TNFRSF11A: variants seen among roughly 807,000 people sequenced by gnomAD.
TNFRSF11A encodes tumor necrosis factor receptor superfamily member 11A.
A neutral mutation model predicts 55.7 loss-of-function variants in TNFRSF11A; 32 were observed. That is an observed-to-expected ratio of 0.57 (90% CI 0.43 to 0.77). The LOEUF (loss-of-function observed/expected upper bound fraction) is 0.77, where lower values mean the gene tolerates loss of function less well. Among genes scored for constraint, TNFRSF11A ranks in the 30% least tolerant of loss-of-function variants. The probability of loss-of-function intolerance (pLI) is 0.00; values close to 1 mark genes in which losing one functional copy is unlikely to be tolerated. For synonymous variants in TNFRSF11A, 311 were observed against 331.0 expected (o/e 0.94, Z 0.65); for missense variants, 753 against 809.8 (o/e 0.93, Z 0.85).
chr18:62,389,617 T>C lies in TNFRSF11A; in HGVS notation c.*4583T>C, dbSNP rs1200336751. 6.7e-6 allele frequency: 1 copy of C among 148,682 alleles called. No homozygotes were observed. Among genetic ancestry groups the C allele is most frequent in the Admixed American group, 6.7e-5 (1 of 14,834 alleles). The allele number at this position is 148,682 out of a possible 1,614,324, so 9.2% of individuals were successfully genotyped here. On this transcript the variant is annotated 3_prime_UTR_variant, in exon 10 of 10. Transcript: ENST00000586569. The stretch of plus-strand genomic sequence containing the variant: ...CAGCTGTGAGTCCAGTTTTCTCTCT[T>C]CCTACCTCCCTCTTACCCAGTTATC...
intron 4 of TNFRSF11A, among the ~76,000 whole-genome samples, chr18:62,356,254 A>T (rs1909246765): frequency 1.3e-5 from 2 of 152,356 alleles, no homozygotes; most frequent in African/African-American, 4.8e-5. Context: ...TTCAATTCAT[A>T]TCAAGGAAAA....
At chr18:62,381,793 T>A (rs761869505) in intron 9 of TNFRSF11A, among the ~76,000 whole-genome samples, 3 of 152,238 alleles carry the variant, frequency 2.0e-5, no homozygotes, top group Non-Finnish European at 4.4e-5. Flanking sequence ...GAATTTTCAT[T>A]GTATGTGCTT....
chr18:62,384,981 G>A lies in TNFRSF11A; in HGVS notation c.1798G>A (p.Glu600Lys). ...GTGCGGCGGCCCCGAGGGGCTGCGG[G>A]AGCCGGAGAAGGCCTCGAGGCCGGT... is the stretch of plus-strand genomic sequence containing the variant. The part of the protein sequence containing the change: ...DPCGGPEGLR[E>K]PEKASRPVQE... The change falls in exon 10 of 10, where the codon GAG (glutamate) becomes AAG (lysine). Residue 600 changes from glutamate to lysine, a missense_variant. Glu to Lys is a moderately conservative substitution (Grantham distance 56). This residue lies in a region of TNFRSF11A where 567 missense variants were observed against 596.7 expected (regional missense o/e 0.95). Transcript: ENST00000586569. 1.4e-6 allele frequency: 2 copies of A among 1,472,536 alleles called. No individual in the cohort carries two copies. The highest frequency in any genetic ancestry group is 2.1e-4 in the Middle Eastern group (1 of 4,658). 91.2% of individuals were successfully genotyped at this position (1,472,536 alleles called of 1,614,324 possible).
chr18:62,387,406 G>A lies in TNFRSF11A; in HGVS notation c.*2372G>A, dbSNP rs771810797. ...GATAAAGAGATTATATTAAGCTTATGTTTCACCATAAAATCCTTTTTATGG... is the reference window on the plus strand; with the variant it reads ...GATAAAGAGATTATATTAAGCTTATATTTCACCATAAAATCCTTTTTATGG... On this transcript the variant is annotated 3_prime_UTR_variant, in exon 10 of 10. Coordinates refer to ENST00000586569, the MANE Select transcript of TNFRSF11A (RefSeq NM_003839.4). 1 of 152,136 alleles carries A rather than the reference G, an allele frequency of 6.6e-6. No individual in the cohort carries two copies. Among genetic ancestry groups the A allele is most frequent in the African/African-American group, 2.4e-5 (1 of 41,432 alleles). The allele number at this position is 152,136 out of a possible 1,614,324, so 9.4% of individuals were successfully genotyped here. A position where few individuals can be genotyped will look rare whatever the true frequency, so the allele number is the denominator to read the frequency against.
chr18:62,359,110 G>T (rs926995889), intron 5 of TNFRSF11A, among the ~76,000 whole-genome samples: 7 of 152,088 alleles, frequency 4.6e-5, no homozygotes, highest in African/African-American at 1.7e-4. Flanking sequence ...TTTCTGCTGG[G>T]CATGGTGGCA....
rs1262144035 is a variant in TNFRSF11A at position 62,339,006 on chromosome 18, G to T, written c.76-9162G>T. Among the ~76,000 whole-genome samples, 5 of 152,216 alleles carry T rather than the reference G, an allele frequency of 3.3e-5. No homozygotes were observed. The East Asian group carries it at 9.7e-4, about 29-fold the overall frequency. ...GCCACTTTGCTGTCGGCTCCTGCCT[G>T]CACTTTTCGTCTCCATCTCTGTTTC... is the stretch of plus-strand genomic sequence containing the variant. On this transcript the variant is annotated intron_variant, in intron 1 of 9. Coordinates refer to ENST00000586569, the MANE Select transcript of TNFRSF11A (RefSeq NM_003839.4).
intron 1 of TNFRSF11A, among the ~76,000 whole-genome samples, chr18:62,330,648 A>C (rs1048574730): frequency 1.3e-5 from 2 of 151,982 alleles, no homozygotes; most frequent in African/African-American, 4.8e-5. Flanking sequence ...TAAGGAGCCT[A>C]CTGCCTTGGT....
chr18:62,362,736 T>G (rs907418658), intron 7 of TNFRSF11A, among the ~76,000 whole-genome samples: 1 of 77,746 alleles, frequency 1.3e-5, no homozygotes, highest in African/African-American at 5.9e-5. Flanking sequence ...AGAATATCTC[T>G]TAAATCTTTC....
chr18:62,338,785 T>C (rs1600358263), intron 1 of TNFRSF11A, among the ~76,000 whole-genome samples: 1 of 150,984 alleles, frequency 6.6e-6, no homozygotes, highest in East Asian at 2.1e-4. Flanking sequence ...TACTTTAAAA[T>C]GGTTAAAATG....
chr18:62,391,266 TA>T lies in TNFRSF11A; in HGVS notation c.*6233del, dbSNP rs1218137045. 1 of 152,314 alleles carries T rather than the reference TA, an allele frequency of 6.6e-6. No homozygotes were observed. Among genetic ancestry groups the T allele is most frequent in the Non-Finnish European group, 1.5e-5 (1 of 68,096 alleles). The allele number at this position is 152,314 out of a possible 1,614,324, so 9.4% of individuals were successfully genotyped here. On this transcript the variant is annotated 3_prime_UTR_variant, in exon 10 of 10. Transcript: ENST00000586569. ...TGGGTTCTTTCCTGTTTGGGGAGAT[TA>T]CAAATAAAGCTACTATAAAAACTCG...
chr18:62,381,030 C>T (rs1226117846), intron 9 of TNFRSF11A, among the ~76,000 whole-genome samples: 1 of 152,044 alleles, frequency 6.6e-6, no homozygotes, highest in Non-Finnish European at 1.5e-5. Flanking sequence ...GTCTCCAACT[C>T]CTGGGCTTAA....
chr18:62,349,773 T>C (rs972653269), intron 2 of TNFRSF11A, 39 bp from the exon 3 acceptor site: 1 of 1,612,126 alleles, frequency 6.2e-7, no homozygotes, highest in Non-Finnish European at 8.5e-7. Flanking sequence ...TTTTGTTTGG[T>C]TTTTTGATGG....
At chr18:62,326,401 G>A (rs2046076419) in intron 1 of TNFRSF11A, among the ~76,000 whole-genome samples, 1 of 152,234 alleles carries the variant, frequency 6.6e-6, no homozygotes, top group Non-Finnish European at 1.5e-5. Context: ...AAAGATTCTA[G>A]GGAAGATTCA....
intron 1 of TNFRSF11A, among the ~76,000 whole-genome samples, chr18:62,339,598 A>G (rs959836996): frequency 1.3e-5 from 2 of 152,212 alleles, no homozygotes; most frequent in Admixed American, 1.3e-4. Context: ...GGGCAGAGAC[A>G]GGTCCTGCCT....
At chr18:62,384,120 C>G (rs1399462262) in intron 9 of TNFRSF11A, among the ~76,000 whole-genome samples, 4 of 152,200 alleles carry the variant, frequency 2.6e-5, no homozygotes, top group African/African-American at 7.2e-5. Context: ...ACATCTGAAT[C>G]TTGTCTGTGA....
At chr18:62,380,426 C>T (rs990963058) in intron 9 of TNFRSF11A, among the ~76,000 whole-genome samples, 47 of 150,494 alleles carry the variant, frequency 3.1e-4, no homozygotes, top group African/African-American at 1.0e-3. Flanking sequence ...TACATCTTAA[C>T]GGTCAGGAAT....
At chr18:62,379,413 G>A (rs1024677892) in intron 9 of TNFRSF11A, among the ~76,000 whole-genome samples, 6 of 152,196 alleles carry the variant, frequency 3.9e-5, no homozygotes, top group African/African-American at 1.4e-4. Context: ...CTGTGAGTGT[G>A]AGCTGATCTT....
At chr18:62,328,421 GA>G (rs375939630) in intron 1 of TNFRSF11A, among the ~76,000 whole-genome samples, 36 of 142,054 alleles carry the variant, frequency 2.5e-4, no homozygotes, top group South Asian at 7.0e-4. Flanking sequence ...CAGAAAGAAA[GA>G]AAAAAAAAAA....
chr18:62,344,141 A>G (rs2046350449), intron 1 of TNFRSF11A, among the ~76,000 whole-genome samples: 2 of 152,354 alleles, frequency 1.3e-5, no homozygotes, highest in South Asian at 2.1e-4. Context: ...ATGGCCGGTA[A>G]CATGGGTTAC....
Sources: gnomAD v4.1 joint callset for allele counts (sites outside exome capture counted in the v4.1 genomes callset) on GRCh38, gnomAD v4.1.1 for gene constraint, gnomAD v4.1.1 regional missense constraint, MANE v1.5 for transcripts, NCBI Gene and HGNC (gene_info 2026-07-23, HGNC 2026-07-21) for gene names.